ACOT2: variants seen among roughly 807,000 people sequenced by gnomAD.
ACOT2 encodes acyl-CoA thioesterase 2, also known as acyl-coenzyme A thioesterase 2, mitochondrial.
Under a neutral mutation model 20.1 loss-of-function variants are expected in ACOT2, and 15 were observed. The observed-to-expected ratio is 0.75, with a 90% CI of 0.50 to 1.15. The LOEUF is 1.15. Among genes scored for constraint, ACOT2 ranks in the 50% most tolerant of loss-of-function variants. ACOT2 has a pLI of 0.00. For synonymous variants in ACOT2, 252 were observed against 268.4 expected (o/e 0.94, Z 0.60); for missense variants, 479 against 615.3 (o/e 0.78, Z 2.34).
rs2140329682 is a variant in ACOT2 at position 73,569,438 on chromosome 14, G to A, written c.198G>A (p.Thr66=). ...IIRVPARMAA[T]LILEPAGRCC... is the part of the protein sequence containing the mutation. Reference sequence around the variant, plus strand: ...GGGTTCCTGCTCGGATGGCGGCGACGCTGATCCTGGAGCCTGCGGGCCGCT... The same window carrying A: ...GGGTTCCTGCTCGGATGGCGGCGACACTGATCCTGGAGCCTGCGGGCCGCT... Residue 66 remains threonine (T), a synonymous_variant, in exon 1 of 3, where the codon ACG becomes ACA. Coordinates refer to ENST00000238651, the MANE Select transcript of ACOT2 (RefSeq NM_006821.6). The A allele has an allele frequency of 2.5e-6, 4 of 1,613,844 alleles. No homozygotes were observed. Among genetic ancestry groups the A allele is most frequent in the Non-Finnish European group, 3.4e-6 (4 of 1,179,796 alleles).
In ACOT2 at chr14:73,569,940, C is replaced by T. The variant is rs1403525104; in HGVS notation, c.643+57C>T. ...GTTCGCCTTTCACTTTGTGTGTCTC[C>T]CCCGCCCCACGCTTTTCGCTTATGT... On this transcript the variant is annotated intron_variant, in intron 1 of 2. Transcript: ENST00000238651. The T allele has an allele frequency of 2.6e-6, 4 of 1,540,112 alleles. No individual in the cohort carries two copies. In the African/African-American group the frequency reaches 4.1e-5, roughly 16 times the overall value.
upstream of ACOT2, chr14:73,569,023 T>C (rs1040677961): frequency 1.2e-5 from 7 of 602,592 alleles, no homozygotes; most frequent in Non-Finnish European, 2.0e-5. Flanking sequence ...GAACCAGCCC[T>C]GGTCCAGCCC....
chr14:73,569,289 T>A lies in ACOT2; in HGVS notation c.49T>A (p.Ser17Thr), dbSNP rs1595168227. Residue 17 changes from serine (S) to threonine (T), a missense_variant, in exon 1 of 3, where the codon TCT becomes ACT. Ser to Thr is a moderately conservative substitution (Grantham distance 58). Around this residue, in one of 4 missense-constraint regions of ACOT2, gnomAD observed 400 missense variants for 395.5 expected, o/e 1.01. Transcript: ENST00000238651. ...CCACCCCCATTCAGTTGTTCTCAGG[T>A]CTGAATTCAAAATGGCCTCATCTCC... ...SPHPHSVVLR[S>T]EFKMASSPAV... 2.5e-6 allele frequency: 4 copies of A among 1,613,866 alleles called. No homozygotes were observed. In the East Asian group the frequency reaches 8.9e-5, roughly 36 times the overall value.
At chr14:73,568,987 A>C (rs1889651663), upstream of ACOT2, 4 of 520,302 alleles carry the variant, frequency 7.7e-6, no homozygotes, top group Non-Finnish European at 1.4e-5. Flanking sequence ...TGGAGCCTGG[A>C]GACTGCTAGC....
intron 1 of ACOT2, among the ~76,000 whole-genome samples, 174 bp downstream of exon 1, chr14:73,570,057 G>A (rs1889692200): frequency 6.6e-6 from 1 of 151,118 alleles, no homozygotes; most frequent in African/African-American, 2.4e-5. Flanking sequence ...GCCTCCCTAA[G>A]AGCTGGGATT....
chr14:73,568,375 T>C (rs573950240), upstream of ACOT2, among the ~76,000 whole-genome samples: 1 of 151,166 alleles, frequency 6.6e-6, no homozygotes, highest in South Asian at 2.1e-4. Context: ...ACCACACCTC[T>C]GGTGAAACCA....
In ACOT2 at chr14:73,573,373, T is replaced by G. The variant is rs1172483376; in HGVS notation, c.644-15T>G. ...GAATAGCTTAGTTTTGCATTTTGTT[T>G]TGTTTCTTCCCAAGAACCTGGGCCC... is the stretch of plus-strand genomic sequence containing the variant. On this transcript the variant is annotated splice_polypyrimidine_tract_variant and intron_variant, in intron 1 of 2. Transcript: ENST00000238651. 6 of 1,613,620 alleles carry G rather than the reference T, an allele frequency of 3.7e-6. No homozygotes were observed. The highest frequency in any genetic ancestry group is 5.1e-6 in the Non-Finnish European group (6 of 1,179,660).
rs769366087 is a variant in ACOT2 at position 73,575,527 on chromosome 14, A to G, written c.*14A>G. On this transcript the variant is annotated 3_prime_UTR_variant, in exon 3 of 3. Coordinates refer to ENST00000238651, the MANE Select transcript of ACOT2 (RefSeq NM_006821.6). Reference sequence around the variant, plus strand: ...TCAAAAGTGTAAATTTTATTTGATCATGTGGCCTCTCTGTTGCTAATCTCT... The same window carrying G: ...TCAAAAGTGTAAATTTTATTTGATCGTGTGGCCTCTCTGTTGCTAATCTCT... 1 of 1,501,188 alleles carries G rather than the reference A, an allele frequency of 6.7e-7. No individual in the cohort carries two copies. Among genetic ancestry groups the G allele is most frequent in the Non-Finnish European group, 8.9e-7 (1 of 1,123,846 alleles). 93.0% of individuals were successfully genotyped at this position (1,501,188 alleles called of 1,614,324 possible).
upstream of ACOT2, chr14:73,567,683 T>C (rs1443796378): frequency 6.6e-6 from 1 of 152,060 alleles, no homozygotes; most frequent in East Asian, 1.9e-4. Context: ...ACAATAAACC[T>C]TGCTACTGCT....
chr14:73,569,886 G>A lies in ACOT2; in HGVS notation c.643+3G>A, dbSNP rs1441834599. 6.2e-7 allele frequency: 1 copy of A among 1,602,390 alleles called. No individual in the cohort carries two copies. Among genetic ancestry groups the A allele is most frequent in the Non-Finnish European group, 8.5e-7 (1 of 1,175,386 alleles). ...AGGCACGCTCTTCCTGCCGCCAGGT[G>A]ACTCACCTCCGCTAATTGTTCCGTG... On this transcript the variant is annotated splice_donor_region_variant and intron_variant, in intron 1 of 2. Transcript: ENST00000238651.
chr14:73,572,654 T>C (rs1458177719), intron 1 of ACOT2, among the ~76,000 whole-genome samples: 19 of 135,140 alleles, frequency 1.4e-4, no homozygotes, highest in Non-Finnish European at 2.6e-4. Flanking sequence ...TTTTTTTTTT[T>C]TTTTTTTTTT....
In ACOT2 at chr14:73,569,533, C is replaced by T. The variant is rs753290172; in HGVS notation, c.293C>T (p.Ala98Val). The T allele has an allele frequency of 2.5e-6, 4 of 1,606,292 alleles. No homozygotes were observed. Among genetic ancestry groups the T allele is most frequent in the Middle Eastern group, 2.2e-4 (1 of 4,590 alleles). ...CCGGAGCAGCCGGTCACGCTGCGCG[C>T]GTCCCTGCGCGACGAGAAGGGCGCG... ...LAPEQPVTLR[A>V]SLRDEKGALF... Residue 98 changes from alanine to valine, a missense_variant, in exon 1 of 3, where the codon GCG (alanine) becomes GTG (valine). Ala to Val is a moderately conservative substitution (Grantham distance 64). Transcript: ENST00000238651.
chr14:73,574,541 G>T, intron 2 of ACOT2: 1 of 407,332 alleles, frequency 2.5e-6, no homozygotes, highest in Non-Finnish European at 4.5e-6. Flanking sequence ...GGGATTACAG[G>T]CGTCAGCCAC....
intron 1 of ACOT2, among the ~76,000 whole-genome samples, chr14:73,572,367 T>G (rs1168313546): frequency 6.6e-6 from 1 of 151,812 alleles, no homozygotes; most frequent in Non-Finnish European, 1.5e-5. Context: ...TCAACATGGA[T>G]GAATCTCCAA....
In ACOT2 at chr14:73,575,299, A is replaced by T. The variant is rs749652627; in HGVS notation, c.1238A>T (p.Gln413Leu). Residue 413 changes from glutamine to leucine, a missense_variant, in exon 3 of 3, where the codon CAG becomes CTG. Coordinates refer to ENST00000238651, the MANE Select transcript of ACOT2 (RefSeq NM_006821.6). ...RLQAHGRRKP[Q>L]IICYPETGHY... ...CAGGCCCATGGGAGGAGAAAGCCCC[A>T]GATCATCTGTTACCCAGAGACAGGG... 1.3e-5 allele frequency: 11 copies of T among 834,598 alleles called. No homozygotes were observed. The East Asian group carries it at 3.1e-4, about 24-fold the overall frequency. The allele number at this position is 834,598 out of a possible 1,614,324, so 51.7% of individuals were successfully genotyped here.
intron 2 of ACOT2, among the ~76,000 whole-genome samples, 184 bp downstream of exon 2, chr14:73,573,774 T>G (rs994826951): frequency 3.3e-5 from 5 of 151,858 alleles, no homozygotes; most frequent in African/African-American, 9.7e-5. Flanking sequence ...GTTGCCAGGC[T>G]GGAGTCCAGT....
upstream of ACOT2, among the ~76,000 whole-genome samples, chr14:73,568,319 A>G (rs1385180013): frequency 2.6e-5 from 4 of 151,468 alleles, no homozygotes; most frequent in African/African-American, 9.7e-5. Flanking sequence ...AATCAGGTAC[A>G]AGGGCTTGGC....
rs56094300 is a variant in ACOT2 at position 73,570,903 on chromosome 14, T to TA, written c.643+1038dup. Among the ~76,000 whole-genome samples, 466 of 137,460 alleles carry TA rather than the reference T, an allele frequency of 3.4e-3. 3 individuals carry two copies. Among genetic ancestry groups the TA allele is most frequent in the African/African-American group, 6.0e-3 (221 of 36,962 alleles). 90.2% of individuals were successfully genotyped at this position (137,460 alleles called of 152,430 possible). The stretch of plus-strand genomic sequence containing the variant: ...CTGGGGGACAAGAGTGACTCTATCT[T>TA]AAAAAAAAAAAAAAAAAATTCAGGT... On this transcript the variant is annotated intron_variant, in intron 1 of 2. Transcript: ENST00000238651.
chr14:73,573,313 GTA>G, intron 1 of ACOT2, 73 bp from the exon 2 acceptor site: 3 of 1,599,578 alleles, frequency 1.9e-6, no homozygotes, highest in South Asian at 1.1e-5. Context: ...TGTGTGGTAA[GTA>G]TATGTTTAAC....
Sources: gnomAD v4.1 joint callset for allele counts (sites outside exome capture counted in the v4.1 genomes callset) on GRCh38, gnomAD v4.1.1 for gene constraint, gnomAD v4.1.1 regional missense constraint, MANE v1.5 for transcripts, NCBI Gene and HGNC (gene_info 2026-07-23, HGNC 2026-07-21) for gene names.